Variants in SERINC3 observed in about 807,000 individuals in gnomAD.
The protein encoded by SERINC3 is serine incorporator 3.
A neutral mutation model predicts 52.1 loss-of-function variants in SERINC3; 22 were observed. The observed-to-expected ratio is 0.42, with a 90% CI of 0.30 to 0.60. SERINC3 has a LOEUF of 0.60. Ranked by LOEUF, SERINC3 falls within the 20% of genes least tolerant of loss-of-function variation. SERINC3 has a pLI of 0.16. For synonymous variants in SERINC3, 226 were observed against 212.7 expected, an observed-to-expected ratio of 1.06 and a Z score of -0.54; for missense variants, 564 against 584.6, an observed-to-expected ratio of 0.96 and a Z score of 0.36.
chr20:44,521,879 C>CA, intron 1 of SERINC3, 34 bp downstream of exon 1: 1 of 1,594,934 alleles, frequency 6.3e-7, no homozygotes, highest in Non-Finnish European at 8.5e-7. Context: ...CCGCAAACCG[C>CA]AGGTCCGGCG....
At position 44,499,513 on chromosome 20, in the gene SERINC3, A is replaced by C. The variant is rs1242328704; in HGVS notation, c.*783T>G. ...CTTTGTATTTTAACCAAATACCTTC[A>C]TAGTGCAAATATGATAAATTCACAT... On this transcript the variant is annotated 3_prime_UTR_variant, in exon 10 of 10. Coordinates refer to ENST00000342374, the MANE Select transcript of SERINC3 (RefSeq NM_006811.4). The C allele has an allele frequency of 6.6e-6, 1 of 152,382 alleles. No individual in the cohort carries two copies. The highest frequency in any genetic ancestry group is 2.4e-5 in the African/African-American group (1 of 41,466). 9.4% of individuals were successfully genotyped at this position (152,382 alleles called of 1,614,324 possible).
At chr20:44,511,978 T>C (rs1479141662) in intron 3 of SERINC3, among the ~76,000 whole-genome samples, 1 of 152,180 alleles carries the variant, frequency 6.6e-6, no homozygotes, top group East Asian at 1.9e-4. Context: ...AAGGGGATTA[T>C]AATACACATC....
In SERINC3 at chr20:44,513,917, T is replaced by C. The variant is rs2123062119; in HGVS notation, c.163A>G (p.Ile55Val). The part of the protein sequence containing the change: ...ILLLSTVVSY[I>V]MQRKEMETYL... ...GTTTCCATCTCTTTTCTCTGCATGATATAGGATACGACAGTGCTCAGGAGG... is the reference window on the plus strand; with the variant it reads ...GTTTCCATCTCTTTTCTCTGCATGACATAGGATACGACAGTGCTCAGGAGG... The change falls in exon 2 of 10, where the codon ATC becomes GTC. Residue 55 changes from isoleucine to valine, a missense_variant. Physicochemically the swap from Ile to Val is conservative, Grantham distance 29. Transcript: ENST00000342374. The C allele has an allele frequency of 1.2e-6, 2 of 1,613,528 alleles. No individual in the cohort carries two copies. The highest frequency in any genetic ancestry group is 2.2e-5 in the South Asian group (2 of 90,994).
At chr20:44,501,757 C>T (rs891933370) in intron 8 of SERINC3, among the ~76,000 whole-genome samples, 1 of 152,234 alleles carries the variant, frequency 6.6e-6, no homozygotes, top group Non-Finnish European at 1.5e-5. Context: ...TGCCACTGCA[C>T]ATATCACTCC....
At position 44,521,966 on chromosome 20, in the gene SERINC3, T is replaced by C. The variant is rs772834323; in HGVS notation, c.-15A>G. On this transcript the variant is annotated 5_prime_UTR_variant, in exon 1 of 10. Coordinates refer to ENST00000342374, the MANE Select transcript of SERINC3 (RefSeq NM_006811.4). ...ACAGCCCCCATGGTGACGCCAGTGATGGAGGTGGCCGGTCCTGAGGCTGCT... is the reference window on the plus strand; with the variant it reads ...ACAGCCCCCATGGTGACGCCAGTGACGGAGGTGGCCGGTCCTGAGGCTGCT... The C allele has an allele frequency of 3.1e-6, 5 of 1,608,656 alleles. No homozygotes were observed. The highest frequency in any genetic ancestry group is 2.2e-5 in the East Asian group (1 of 44,650).
At chr20:44,517,109 C>T (rs183912015) in intron 1 of SERINC3, among the ~76,000 whole-genome samples, 135 of 152,200 alleles carry the variant, frequency 8.9e-4, no homozygotes, top group African/African-American at 3.1e-3. Context: ...TCAGTTTTCT[C>T]ATCTGTAAAA....
intron 2 of SERINC3, among the ~76,000 whole-genome samples, chr20:44,513,379 G>A (rs552573261): frequency 8.1e-4 from 124 of 152,164 alleles, no homozygotes; most frequent in Non-Finnish European, 1.5e-3. Context: ...CCAGCTACTC[G>A]GGAGGCTGAG....
At position 44,497,701 on chromosome 20, in the gene SERINC3, G is replaced by C. The variant is rs1461004072; in HGVS notation, c.*2595C>G. On this transcript the variant is annotated 3_prime_UTR_variant, in exon 10 of 10. Transcript: ENST00000342374. ...ACGCTATACCCTGACATAAACCACT[G>C]GTTTAAAAGACAATGATTCCAATAA... The C allele has an allele frequency of 6.6e-6, 1 of 152,116 alleles. No homozygotes were observed. Among genetic ancestry groups the C allele is most frequent in the African/African-American group, 2.4e-5 (1 of 41,378 alleles). 9.4% of individuals were successfully genotyped at this position (152,116 alleles called of 1,614,324 possible).
At chr20:44,506,259 G>C (rs1360678352) in intron 6 of SERINC3, among the ~76,000 whole-genome samples, 1 of 143,578 alleles carries the variant, frequency 7.0e-6, no homozygotes, top group East Asian at 2.0e-4. Context: ...CCAGCCTAGG[G>C]GACAAGAGTG....
chr20:44,512,278 A>C (rs1402674618), intron 3 of SERINC3, among the ~76,000 whole-genome samples: 1 of 145,108 alleles, frequency 6.9e-6, no homozygotes, highest in East Asian at 2.0e-4. Flanking sequence ...ACGCCATTAC[A>C]CTCCAGCCTG....
rs1019600569 is a variant in SERINC3 at position 44,513,942 on chromosome 20, G to A, written c.138C>T (p.Leu46=). ...TATAGGATACGACAGTGCTCAGGAG[G>A]AGAATGAAAGCATAAATGAGGCGAG... The part of the protein sequence containing the change: ...TVTRLIYAFI[L]LLSTVVSYIM... The change falls in exon 2 of 10, where the codon CTC becomes CTT. Residue 46 remains leucine, a synonymous_variant. Coordinates refer to ENST00000342374, the MANE Select transcript of SERINC3 (RefSeq NM_006811.4). The A allele has an allele frequency of 1.2e-6, 2 of 1,614,160 alleles. No individual in the cohort carries two copies. Among genetic ancestry groups the A allele is most frequent in the South Asian group, 1.1e-5 (1 of 91,086 alleles).
At chr20:44,516,828 G>A (rs1204900030) in intron 1 of SERINC3, among the ~76,000 whole-genome samples, 1 of 152,148 alleles carries the variant, frequency 6.6e-6, no homozygotes, top group African/African-American at 2.4e-5. Context: ...CTGAGTACAA[G>A]CAAGCACCAC....
chr20:44,520,192 A>G (rs562261738), intron 1 of SERINC3, among the ~76,000 whole-genome samples: 125 of 152,324 alleles, frequency 8.2e-4, no homozygotes, highest in Non-Finnish European at 1.4e-3. Context: ...CCTGGCCAAC[A>G]TGGCGAAATC....
chr20:44,509,471 T>C (rs1183871438), intron 5 of SERINC3, among the ~76,000 whole-genome samples: 1 of 152,230 alleles, frequency 6.6e-6, no homozygotes, highest in Admixed American at 6.5e-5. Context: ...TTTCTTCCAG[T>C]GATGCATATA....
chr20:44,517,638 T>A (rs1330428254), intron 1 of SERINC3, among the ~76,000 whole-genome samples: 3 of 151,038 alleles, frequency 2.0e-5, no homozygotes, highest in Non-Finnish European at 4.4e-5. Flanking sequence ...CTCACCACCC[T>A]TAGAAGGAAC....
At chr20:44,511,065 C>A (rs544676741) in intron 4 of SERINC3, among the ~76,000 whole-genome samples, 162 of 151,976 alleles carry the variant, frequency 1.1e-3, no homozygotes, top group Middle Eastern at 6.9e-3. Context: ...AGGCGTGCAC[C>A]ACCACGCCTG....
At position 44,509,955 on chromosome 20, in the gene SERINC3, A is replaced by T; in HGVS notation, c.549T>A (p.Ala183=). Residue 183 remains alanine (A), a synonymous_variant, in exon 5 of 10, where the codon GCT becomes GCA. Transcript: ENST00000342374. ...TTACCCATGATTCATTCCAAGAATGAGCAAAATCTACCAGCAGCACCAGCT... is the reference window on the plus strand; with the variant it reads ...TTACCCATGATTCATTCCAAGAATGTGCAAAATCTACCAGCAGCACCAGCT... ...LIQLVLLVDF[A]HSWNESWVNR... is the part of the protein sequence containing the mutation. The T allele has an allele frequency of 6.2e-7, 1 of 1,614,160 alleles. No individual in the cohort carries two copies. The highest frequency in any genetic ancestry group is 8.5e-7 in the Non-Finnish European group (1 of 1,179,986).
intron 4 of SERINC3, among the ~76,000 whole-genome samples, chr20:44,510,858 G>A (rs1174857804): frequency 6.6e-6 from 1 of 151,790 alleles, no homozygotes; most frequent in African/African-American, 2.4e-5. Flanking sequence ...CATATTAATC[G>A]GATACCATCT....
intron 6 of SERINC3, 123 bp from the exon 7 acceptor site, chr20:44,505,014 G>C (rs2064302598): frequency 1.5e-6 from 1 of 645,964 alleles, no homozygotes; most frequent in Admixed American, 2.8e-5. Context: ...TTCTTCTTGA[G>C]AGTTGAAAGG....
Sources: allele counts gnomAD v4.1 joint callset (sites outside exome capture counted in the v4.1 genomes callset), GRCh38; gene constraint gnomAD v4.1.1; transcripts MANE v1.5; gene names NCBI Gene and HGNC (gene_info 2026-07-23, HGNC 2026-07-21).